The following INPP5A variants were observed in gnomAD, a reference collection of about 807,000 sequenced individuals.
The protein encoded by INPP5A is inositol polyphosphate-5-phosphatase A.
In INPP5A, 14 loss-of-function variants were observed where a neutral mutation model predicts 65.2. The ratio of observed to expected loss-of-function variants is 0.21; its 90% confidence interval spans 0.14 to 0.34. INPP5A has a LOEUF of 0.34. Among genes scored for constraint, INPP5A ranks in the 10% least tolerant of loss-of-function variants. The pLI is 1.00. For missense variants in INPP5A, 431 were observed against 545.6 expected (o/e 0.79, Z 2.09); for synonymous variants, 207 against 208.3 (o/e 0.99, Z 0.05).
chr10:132,642,393 G>C (rs1348128425), intron 2 of INPP5A, among the ~76,000 whole-genome samples: 1 of 152,230 alleles, frequency 6.6e-6, no homozygotes, highest in African/African-American at 2.4e-5. Context: ...GTGTCTCACT[G>C]TGCGTCTGGC....
At chr10:132,729,528 C>T (rs1023373790) in intron 9 of INPP5A, among the ~76,000 whole-genome samples, 17 of 152,342 alleles carry the variant, frequency 1.1e-4, no homozygotes, top group East Asian at 3.9e-4. Flanking sequence ...GTGGGCTCTC[C>T]GGACCTTCCA....
chr10:132,684,425 T>C (rs779102440), intron 4 of INPP5A, among the ~76,000 whole-genome samples: 6 of 151,552 alleles, frequency 4.0e-5, no homozygotes, highest in Non-Finnish European at 7.4e-5. Context: ...CATATGTATG[T>C]TTGTCTATAG....
At position 132,781,922 on chromosome 10, in the gene INPP5A, AGTG is replaced by A; in HGVS notation, c.1221_1223del (p.Lys407_Cys408delinsAsn). The A allele has an allele frequency of 6.2e-7, 1 of 1,613,844 alleles. No homozygotes were observed. The highest frequency in any genetic ancestry group is 1.7e-5 in the Admixed American group (1 of 60,020). On this transcript the variant is annotated inframe_deletion, in exon 15 of 16. Coordinates refer to ENST00000368594, the MANE Select transcript of INPP5A (RefSeq NM_005539.5). The stretch of plus-strand genomic sequence containing the variant: ...GGTAAACCTCATGCCCATGTGCACA[AGTG>A]TTGTGTCGTGCAGTGACGTGGTGGT...
At chr10:132,558,384 A>G (rs1239592104) in intron 1 of INPP5A, among the ~76,000 whole-genome samples, 2 of 152,296 alleles carry the variant, frequency 1.3e-5, no homozygotes, top group East Asian at 1.9e-4. Context: ...CTCGCCTGAC[A>G]TCCAGTCCCC....
chr10:132,562,891 C>T (rs903504444), intron 1 of INPP5A, among the ~76,000 whole-genome samples: 3 of 152,166 alleles, frequency 2.0e-5, no homozygotes, highest in African/African-American at 7.2e-5. Context: ...TGCCCTCCTT[C>T]CCCTGCTCTG....
rs112677107 is a variant in INPP5A, at chr10:132,754,986, C to T, written c.903+5141C>T. Among the ~76,000 whole-genome samples, 310 of 150,696 alleles carry T rather than the reference C, an allele frequency of 2.1e-3. 6 individuals carry two copies. The South Asian group carries it at 0.047, about 23-fold the overall frequency. The stretch of plus-strand genomic sequence containing the variant: ...GTGTATAAGCAGGCATGTGTGCGGA[C>T]GTGTGTGAGCAGGCATATGCATGTG... On this transcript the variant is annotated intron_variant, in intron 11 of 15. Transcript: ENST00000368594.
rs1299610020 is a variant in INPP5A, at chr10:132,704,593, C to T, written c.475-3720C>T. Among the ~76,000 whole-genome samples, 2 of 152,234 alleles carry T rather than the reference C, an allele frequency of 1.3e-5. No individual in the cohort carries two copies. Among genetic ancestry groups the T allele is most frequent in the Non-Finnish European group, 2.9e-5 (2 of 68,042 alleles). On this transcript the variant is annotated intron_variant, in intron 6 of 15. Transcript: ENST00000368594. This position sits in a 1 kb window ranked among gnomAD's most constrained non-coding sequence, Gnocchi z 4.5. Reference sequence around the variant, plus strand: ...ACAGCTGGGACTTGAACCTGGCAGCCTGGCAGTCCTGTCTTACCCACTGCC... The same window carrying T: ...ACAGCTGGGACTTGAACCTGGCAGCTTGGCAGTCCTGTCTTACCCACTGCC...
intron 9 of INPP5A, among the ~76,000 whole-genome samples, chr10:132,737,915 A>G (rs1316777340): frequency 6.6e-6 from 1 of 152,218 alleles, no homozygotes. Flanking sequence ...CTTCGTATTT[A>G]GGGGATTTTT....
At chr10:132,755,401 AGTGT>A (rs1324728129) in intron 11 of INPP5A, among the ~76,000 whole-genome samples, 4 of 143,834 alleles carry the variant, frequency 2.8e-5, no homozygotes, top group East Asian at 2.1e-4. Flanking sequence ...GGTGTGAGCG[AGTGT>A]GTGTGAGCAG....
intron 5 of INPP5A, among the ~76,000 whole-genome samples, chr10:132,694,883 A>C (rs1189008601): frequency 2.0e-5 from 3 of 152,248 alleles, no homozygotes; most frequent in Non-Finnish European, 2.9e-5. Flanking sequence ...AACAACACTG[A>C]ATAAGTAATT....
chr10:132,756,666 T>C (rs1459210165), intron 11 of INPP5A, among the ~76,000 whole-genome samples: 1 of 152,262 alleles, frequency 6.6e-6, no homozygotes, highest in Admixed American at 6.5e-5. Context: ...ACTGTGTTAC[T>C]GGTGTCTGCG....
intron 4 of INPP5A, among the ~76,000 whole-genome samples, chr10:132,662,109 G>C (rs539814543): frequency 2.6e-5 from 4 of 152,300 alleles, no homozygotes; most frequent in Non-Finnish European, 5.9e-5. Flanking sequence ...ACCAAAAGCA[G>C]AAACCACTAT....
chr10:132,569,858 G>T lies in INPP5A; in HGVS notation c.75+31687G>T, dbSNP rs559441680. Reference sequence around the variant, plus strand: ...GTAGAGATGGGGTTTCACCATATTGGCCAGGCTGGTCTCAAACTCCTGACC... The same window carrying T: ...GTAGAGATGGGGTTTCACCATATTGTCCAGGCTGGTCTCAAACTCCTGACC... On this transcript the variant is annotated intron_variant, in intron 1 of 15. Transcript: ENST00000368594. Among the ~76,000 whole-genome samples, 478 of 149,126 alleles carry T rather than the reference G, an allele frequency of 3.2e-3. 1 individual carries two copies. The highest frequency in any genetic ancestry group is 5.7e-3 in the Admixed American group (85 of 14,916).
At chr10:132,759,924 G>C (rs1590992822) in intron 11 of INPP5A, among the ~76,000 whole-genome samples, 1 of 152,270 alleles carries the variant, frequency 6.6e-6, no homozygotes, top group South Asian at 2.1e-4. Context: ...CATTCACCAG[G>C]CTGGGGACAC....
chr10:132,713,206 A>T (rs1845679704), intron 8 of INPP5A, among the ~76,000 whole-genome samples: 1 of 150,808 alleles, frequency 6.6e-6, no homozygotes. Flanking sequence ...GTATGTGTGT[A>T]GGTATGGGTG....
chr10:132,708,143 T>A (rs1216485096), intron 6 of INPP5A, among the ~76,000 whole-genome samples, 170 bp from the exon 7 acceptor site: 1 of 152,096 alleles, frequency 6.6e-6, no homozygotes, highest in African/African-American at 2.4e-5. Flanking sequence ...AAGCCCCACT[T>A]GAGGATAGGT....
chr10:132,717,717 G>C (rs974280862), intron 8 of INPP5A, among the ~76,000 whole-genome samples: 3 of 147,024 alleles, frequency 2.0e-5, no homozygotes, highest in Admixed American at 6.7e-5. Flanking sequence ...CCTGGGTTCT[G>C]TCTGGGCGCC....
chr10:132,749,424 G>C, intron 9 of INPP5A, 93 bp from the exon 10 acceptor site: 1 of 1,153,788 alleles, frequency 8.7e-7, no homozygotes, highest in South Asian at 1.4e-5. Flanking sequence ...TCTGGAACCA[G>C]CCATCCTATC....
At chr10:132,667,574 C>T (rs956898287) in intron 4 of INPP5A, among the ~76,000 whole-genome samples, 1 of 152,212 alleles carries the variant, frequency 6.6e-6, no homozygotes, top group African/African-American at 2.4e-5. Context: ...CAGACAGCTT[C>T]CTGTCACCCC....
Sources: allele counts gnomAD v4.1 joint callset (sites outside exome capture counted in the v4.1 genomes callset), GRCh38; gene constraint gnomAD v4.1.1; non-coding constraint Gnocchi (gnomAD v3.1); transcripts MANE v1.5; gene names NCBI Gene and HGNC (gene_info 2026-07-23, HGNC 2026-07-21).